Variants in PPM1H observed in about 807,000 individuals in gnomAD.
PPM1H encodes the protein protein phosphatase 1H.
PPM1H carries 27 observed loss-of-function variants against 54.9 expected under a neutral mutation model. That is an observed-to-expected ratio of 0.49 (90% CI 0.36 to 0.68). The LOEUF is 0.68. Among genes scored for constraint, PPM1H ranks in the 30% least tolerant of loss-of-function variants. The probability of loss-of-function intolerance (pLI) is 0.00; values close to 1 mark genes in which losing one functional copy is unlikely to be tolerated. For missense variants in PPM1H, 596 were observed against 667.8 expected, an observed-to-expected ratio of 0.89 and a Z score of 1.19; for synonymous variants, 305 against 270.8, an observed-to-expected ratio of 1.13 and a Z score of -1.24.
intron 9 of PPM1H, among the ~76,000 whole-genome samples, chr12:62,650,634 T>G (rs1391522895): frequency 6.6e-6 from 1 of 152,186 alleles, no homozygotes; most frequent in Non-Finnish European, 1.5e-5. Context: ...GTCTCACAGT[T>G]CCGTATGGCT....
chr12:62,887,149 G>A (rs746417796), intron 1 of PPM1H, among the ~76,000 whole-genome samples: 7 of 152,202 alleles, frequency 4.6e-5, no homozygotes, highest in Non-Finnish European at 1.0e-4. Context: ...CTGAGACAGA[G>A]GGACAGTAGA....
intron 1 of PPM1H, among the ~76,000 whole-genome samples, chr12:62,871,472 C>A (rs1401529516): frequency 6.7e-6 from 1 of 150,120 alleles, no homozygotes; most frequent in South Asian, 2.1e-4. Flanking sequence ...AGTGGTTAGA[C>A]AACCTTGTGA....
intron 1 of PPM1H, chr12:62,850,849 G>A (rs545536937): frequency 9.2e-5 from 14 of 151,836 alleles, no homozygotes; most frequent in African/African-American, 2.9e-4. Context: ...GATAAACCTC[G>A]CCCTGGGAAA....
chr12:62,895,989 A>G (rs1237677415), intron 1 of PPM1H, among the ~76,000 whole-genome samples: 3 of 152,232 alleles, frequency 2.0e-5, no homozygotes, highest in Non-Finnish European at 4.4e-5. Flanking sequence ...TAATAGTTTA[A>G]TAAGCCCTAT....
At chr12:62,857,554 A>G (rs1869435853) in intron 1 of PPM1H, among the ~76,000 whole-genome samples, 1 of 152,238 alleles carries the variant, frequency 6.6e-6, no homozygotes, top group Non-Finnish European at 1.5e-5. Context: ...CATGCTCTTT[A>G]TAAGTCCAAA....
At position 62,647,452 on chromosome 12, in the gene PPM1H, C is replaced by T. The variant is rs2075792350; in HGVS notation, c.*1037G>A. On this transcript the variant is annotated 3_prime_UTR_variant, in exon 10 of 10. Transcript: ENST00000228705. The stretch of plus-strand genomic sequence containing the variant: ...CATGAAACATGAATCCAAAATGGTC[C>T]CCAGATGAGCCATGGTGAACCAACA... 1 of 152,296 alleles carries T rather than the reference C, an allele frequency of 6.6e-6. No individual in the cohort carries two copies. Among genetic ancestry groups the T allele is most frequent in the Middle Eastern group, 3.4e-3 (1 of 294 alleles). 9.4% of individuals were successfully genotyped at this position (152,296 alleles called of 1,614,324 possible). A position where few individuals can be genotyped will look rare whatever the true frequency, so the allele number is the denominator to read the frequency against.
chr12:62,770,460 C>T (rs1411138163), intron 4 of PPM1H, among the ~76,000 whole-genome samples: 2 of 152,186 alleles, frequency 1.3e-5, no homozygotes, highest in East Asian at 1.9e-4. Context: ...ACCTGCTCTA[C>T]ATCACAAGTG....
rs533962174 is a variant in PPM1H, at chr12:62,847,944, T to C, written c.246-15665A>G. On this transcript the variant is annotated intron_variant, in intron 1 of 9. Coordinates refer to ENST00000228705, the MANE Select transcript of PPM1H (RefSeq NM_020700.2). ...ATGAGGTAACTGTTTACCTTCCTTATTGCATTTTAATCTAGAGATTAAAAT... is the reference window on the plus strand; with the variant it reads ...ATGAGGTAACTGTTTACCTTCCTTACTGCATTTTAATCTAGAGATTAAAAT... Among the ~76,000 whole-genome samples, 27 of 152,310 alleles carry C rather than the reference T, an allele frequency of 1.8e-4. No individual in the cohort carries two copies. In the Middle Eastern group the frequency reaches 0.02, roughly 115 times the overall value.
At chr12:62,728,187 G>A (rs1355162239) in intron 5 of PPM1H, among the ~76,000 whole-genome samples, 1 of 152,134 alleles carries the variant, frequency 6.6e-6, no homozygotes, top group Non-Finnish European at 1.5e-5. Context: ...AAGACCAAAT[G>A]CAAGTAACCA....
chr12:62,715,017 T>C (rs1309577828), intron 6 of PPM1H, among the ~76,000 whole-genome samples: 1 of 152,218 alleles, frequency 6.6e-6, no homozygotes, highest in African/African-American at 2.4e-5. Context: ...TGGCTGGACA[T>C]GGCACGAAGT....
At position 62,782,537 on chromosome 12, in the gene PPM1H, G is replaced by T. The variant is rs76366204; in HGVS notation, c.869+5689C>A. Among the ~76,000 whole-genome samples, 453 of 152,292 alleles carry T rather than the reference G, an allele frequency of 3.0e-3. 2 individuals are homozygous for T. The highest frequency in any genetic ancestry group is 0.01 in the African/African-American group (427 of 41,550). On this transcript the variant is annotated intron_variant, in intron 4 of 9. Transcript: ENST00000228705. The stretch of plus-strand genomic sequence containing the variant: ...ATGAAAGGAAACCATCACTGGCTTC[G>T]TTCAGTGACAATTCATGGAATGCTA...
In PPM1H at chr12:62,648,295, G is replaced by T; in HGVS notation, c.*194C>A. 2 of 627,802 alleles carry T rather than the reference G, an allele frequency of 3.2e-6. No homozygotes were observed. Among genetic ancestry groups the T allele is most frequent in the Non-Finnish European group, 5.3e-6 (2 of 374,064 alleles). The allele number at this position is 627,802 out of a possible 1,614,324, so 38.9% of individuals were successfully genotyped here. A position where few individuals can be genotyped will look rare whatever the true frequency, so the allele number is the denominator to read the frequency against. Reference sequence around the variant, plus strand: ...AGCCTTTGTGTTTTGCTCTTGTTGAGTTGACCTGTTACTAAAGAAGAAATG... The same window carrying T: ...AGCCTTTGTGTTTTGCTCTTGTTGATTTGACCTGTTACTAAAGAAGAAATG... On this transcript the variant is annotated 3_prime_UTR_variant, in exon 10 of 10. Transcript: ENST00000228705.
intron 4 of PPM1H, among the ~76,000 whole-genome samples, chr12:62,774,653 G>C (rs909772990): frequency 6.6e-6 from 1 of 152,126 alleles, no homozygotes; most frequent in Non-Finnish European, 1.5e-5. Context: ...GGAAACATCT[G>C]TCTCTGTAGT....
At chr12:62,826,080 T>G (rs1397430665) in intron 2 of PPM1H, among the ~76,000 whole-genome samples, 1 of 152,150 alleles carries the variant, frequency 6.6e-6, no homozygotes. Flanking sequence ...ATAAAATAAT[T>G]CTTTATGAAT....
Position 62,838,867 on chromosome 12 carries a change from G to A in PPM1H, c.246-6588C>T, listed in dbSNP as rs958181674. ...ACCCGGGAGGCGGAGCTTGCAGTGA[G>A]CCGAGATCGCGCCACTGCACTCCAG... On this transcript the variant is annotated intron_variant, in intron 1 of 9. Coordinates refer to ENST00000228705, the MANE Select transcript of PPM1H (RefSeq NM_020700.2). Among the ~76,000 whole-genome samples the A allele has an allele frequency of 9.0e-5, 8 of 89,300 alleles. 2 individuals are homozygous for A. The highest frequency in any genetic ancestry group is 1.5e-4 in the Non-Finnish European group (7 of 47,718). The allele number at this position is 89,300 out of a possible 152,430, so 58.6% of individuals were successfully genotyped here. A position where few individuals can be genotyped will look rare whatever the true frequency, so the allele number is the denominator to read the frequency against.
At chr12:62,649,494 A>AAAAC (rs2075804775) in intron 9 of PPM1H, among the ~76,000 whole-genome samples, 1 of 152,202 alleles carries the variant, frequency 6.6e-6, no homozygotes, top group Non-Finnish European at 1.5e-5. Context: ...AAAATGAGAC[A>AAAAC]AAACATTGGC....
At chr12:62,757,267 TGATA>T (rs1270311714) in intron 4 of PPM1H, among the ~76,000 whole-genome samples, 1 of 152,190 alleles carries the variant, frequency 6.6e-6, no homozygotes, top group African/African-American at 2.4e-5. Context: ...GTGTGATTTT[TGATA>T]GATAAACTGT....
intron 1 of PPM1H, among the ~76,000 whole-genome samples, chr12:62,879,197 A>G (rs1039926763): frequency 2.3e-4 from 35 of 152,194 alleles, no homozygotes; most frequent in African/African-American, 6.5e-4. Context: ...TTCCTTCTCT[A>G]TCCTCCTCTG....
In PPM1H at chr12:62,791,277, T is replaced by G. The variant is rs570016460; in HGVS notation, c.757-2939A>C. Among the ~76,000 whole-genome samples, 5 of 151,840 alleles carry G rather than the reference T, an allele frequency of 3.3e-5. No homozygotes were observed. The East Asian group carries it at 9.7e-4, about 29-fold the overall frequency. Reference sequence around the variant, plus strand: ...ACAAGACTGGTAGAAGGCTGGAGGATGAGGAGGAGGGGCACGGGTGTCAGG... The same window carrying G: ...ACAAGACTGGTAGAAGGCTGGAGGAGGAGGAGGAGGGGCACGGGTGTCAGG... On this transcript the variant is annotated intron_variant, in intron 3 of 9. Coordinates refer to ENST00000228705, the MANE Select transcript of PPM1H (RefSeq NM_020700.2).
Sources: allele counts gnomAD v4.1 joint callset (sites outside exome capture counted in the v4.1 genomes callset), GRCh38; gene constraint gnomAD v4.1.1; transcripts MANE v1.5; gene names NCBI Gene and HGNC (gene_info 2026-07-23, HGNC 2026-07-21).